The following C1orf115 variants were observed in gnomAD, a reference collection of about 807,000 sequenced individuals.
C1orf115 encodes chromosome 1 open reading frame 115.
In C1orf115, 14 loss-of-function variants were observed where a neutral mutation model predicts 12.5. The observed-to-expected ratio is 1.12, with a 90% CI of 0.74 to 1.75. The LOEUF (loss-of-function observed/expected upper bound fraction) is 1.75. C1orf115 is among the 40% of genes most tolerant of loss of function. The pLI is 0.00. For missense variants in C1orf115, 237 were observed against 220.8 expected (o/e 1.07, Z -0.46); for synonymous variants, 109 against 104.6 (o/e 1.04, Z -0.26).
Position 220,690,616 on chromosome 1 carries a change from G to C in C1orf115, c.214G>C (p.Ala72Pro). Residue 72 changes from alanine to proline, a missense_variant, in exon 1 of 2, where the codon GCC (alanine) becomes CCC (proline). Physicochemically the swap from Ala to Pro is conservative, Grantham distance 27. Transcript: ENST00000294889. ...CCGGGGCGCGCGGAGGGTGCACTTC[G>C]CCCTCCTGCCCGAGCGCTACGAGCC... ...GTRGARRVHFALLPERYEPLE... is the reference protein window; with the variant it reads ...GTRGARRVHFPLLPERYEPLE... 6.5e-7 allele frequency: 1 copy of C among 1,543,418 alleles called. No individual in the cohort carries two copies. Among genetic ancestry groups the C allele is most frequent in the Non-Finnish European group, 8.7e-7 (1 of 1,148,230 alleles).
At chr1:220,696,231 C>T (rs111379975) in intron 1 of C1orf115, among the ~76,000 whole-genome samples, 9 of 152,246 alleles carry the variant, frequency 5.9e-5, no homozygotes, top group Admixed American at 1.3e-4. Context: ...AGCCTTCTGA[C>T]GGTCCAGTAA....
intron 1 of C1orf115, among the ~76,000 whole-genome samples, chr1:220,691,913 G>A (rs994637337): frequency 6.6e-6 from 1 of 152,186 alleles, no homozygotes; most frequent in Non-Finnish European, 1.5e-5. Context: ...CACTGACATA[G>A]CTGGCTCCCC....
intron 1 of C1orf115, among the ~76,000 whole-genome samples, 188 bp downstream of exon 1, chr1:220,690,899 G>A (rs1385462294): frequency 6.6e-6 from 1 of 152,120 alleles, no homozygotes; most frequent in African/African-American, 2.4e-5. Context: ...ACTTAAATCG[G>A]GGGTTGCGCT....
chr1:220,693,187 C>T (rs1037816098), intron 1 of C1orf115, among the ~76,000 whole-genome samples: 3 of 152,174 alleles, frequency 2.0e-5, no homozygotes, highest in African/African-American at 7.2e-5. Context: ...TCTTAAATGA[C>T]ACTGAAATAG....
chr1:220,690,731 A>T lies in C1orf115; in HGVS notation c.309+20A>T. 1 of 1,564,962 alleles carries T rather than the reference A, an allele frequency of 6.4e-7. No homozygotes were observed. Among genetic ancestry groups the T allele is most frequent in the Non-Finnish European group, 8.6e-7 (1 of 1,157,302 alleles). ...GGCAAGGTAGGGGCCCTGCGCCACCACTGCCCGGGGGGCGCGGGTGTGGTG... is the reference window on the plus strand; with the variant it reads ...GGCAAGGTAGGGGCCCTGCGCCACCTCTGCCCGGGGGGCGCGGGTGTGGTG... On this transcript the variant is annotated intron_variant, in intron 1 of 1. Transcript: ENST00000294889.
At chr1:220,690,808 C>A in intron 1 of C1orf115, 97 bp downstream of exon 1, 1 of 1,368,620 alleles carries the variant, frequency 7.3e-7, no homozygotes, top group Non-Finnish European at 9.8e-7. Context: ...CCCAGTTTCT[C>A]CGGGCTGCAC....
rs1330007693 is a variant in C1orf115 at position 220,690,593 on chromosome 1, G to A, written c.191G>A (p.Arg64Gln). 2 of 1,516,462 alleles carry A rather than the reference G, an allele frequency of 1.3e-6. No homozygotes were observed. The highest frequency in any genetic ancestry group is 4.3e-5 in the Admixed American group (2 of 46,298). The allele number at this position is 1,516,462 out of a possible 1,614,324, so 93.9% of individuals were successfully genotyped here. The part of the protein sequence containing the change: ...SAADERGPGT[R>Q]GARRVHFALL... ...GCGGACGAGCGGGGCCCGGGGACCC[G>A]GGGCGCGCGGAGGGTGCACTTCGCC... The change falls in exon 1 of 2, where the codon CGG becomes CAG. Residue 64 changes from arginine (R) to glutamine (Q), a missense_variant. Coordinates refer to ENST00000294889, the MANE Select transcript of C1orf115 (RefSeq NM_024709.5).
intron 1 of C1orf115, among the ~76,000 whole-genome samples, chr1:220,693,103 G>A (rs977519196): frequency 3.9e-5 from 6 of 152,140 alleles, no homozygotes; most frequent in African/African-American, 1.4e-4. Flanking sequence ...TTTGTTCCCC[G>A]AGACCCCAGC....
chr1:220,692,073 G>A (rs1382648812), intron 1 of C1orf115, among the ~76,000 whole-genome samples: 1 of 152,174 alleles, frequency 6.6e-6, no homozygotes, highest in Non-Finnish European at 1.5e-5. Flanking sequence ...CAGTGAAGTG[G>A]TATGAAGTAG....
At chr1:220,694,689 C>G (rs1670163353) in intron 1 of C1orf115, among the ~76,000 whole-genome samples, 1 of 152,130 alleles carries the variant, frequency 6.6e-6, no homozygotes, top group South Asian at 2.1e-4. Flanking sequence ...CTTAGGGCTA[C>G]AAGGGAGAGT....
Position 220,696,890 on chromosome 1 carries a change from C to T in C1orf115, c.*159C>T. 1 of 889,700 alleles carries T rather than the reference C, an allele frequency of 1.1e-6. No individual in the cohort carries two copies. The highest frequency in any genetic ancestry group is 1.6e-6 in the Non-Finnish European group (1 of 636,800). The allele number at this position is 889,700 out of a possible 1,614,324, so 55.1% of individuals were successfully genotyped here. ...ACATTAGTATGATGAGTGAGTCATC[C>T]CTGCCCATCTGCTGAGCTTCTCACA... On this transcript the variant is annotated 3_prime_UTR_variant, in exon 2 of 2. Coordinates refer to ENST00000294889, the MANE Select transcript of C1orf115 (RefSeq NM_024709.5).
chr1:220,695,318 G>C (rs920126761), intron 1 of C1orf115, among the ~76,000 whole-genome samples: 8 of 152,020 alleles, frequency 5.3e-5, no homozygotes, highest in African/African-American at 1.9e-4. Flanking sequence ...GGTGGTGAAG[G>C]GAAAGCCAAG....
Position 220,698,257 on chromosome 1 carries a change from C to T in C1orf115, c.*1526C>T, listed in dbSNP as rs1670222819. The T allele has an allele frequency of 6.6e-6, 1 of 152,304 alleles. No individual in the cohort carries two copies. Among genetic ancestry groups the T allele is most frequent in the Non-Finnish European group, 1.5e-5 (1 of 68,132 alleles). 9.4% of individuals were successfully genotyped at this position (152,304 alleles called of 1,614,324 possible). ...AAAGGAGGCCTCAACGCTCATGCTT[C>T]TCTAATCAAGCCCTACCAAGACAGA... On this transcript the variant is annotated 3_prime_UTR_variant, in exon 2 of 2. Transcript: ENST00000294889.
At chr1:220,693,940 C>A (rs984095802) in intron 1 of C1orf115, among the ~76,000 whole-genome samples, 6 of 151,904 alleles carry the variant, frequency 3.9e-5, no homozygotes, top group Non-Finnish European at 8.8e-5. Context: ...ATTAGCCTGG[C>A]GCGGTGGTGC....
chr1:220,693,887 T>C (rs548036549), intron 1 of C1orf115, among the ~76,000 whole-genome samples: 9 of 152,170 alleles, frequency 5.9e-5, no homozygotes, highest in African/African-American at 1.9e-4. Flanking sequence ...GAAACCAGAC[T>C]GACGAACATG....
chr1:220,692,801 T>G (rs1018034816), intron 1 of C1orf115, among the ~76,000 whole-genome samples: 3 of 152,220 alleles, frequency 2.0e-5, no homozygotes, highest in Non-Finnish European at 4.4e-5. Flanking sequence ...AATTTTATGT[T>G]ATGTGAATTT....
intron 1 of C1orf115, among the ~76,000 whole-genome samples, chr1:220,691,891 C>T (rs544838860): frequency 6.6e-6 from 1 of 152,194 alleles, no homozygotes; most frequent in Non-Finnish European, 1.5e-5. Flanking sequence ...AGGGCACAGC[C>T]TCCCAGGGAG....
intron 1 of C1orf115, among the ~76,000 whole-genome samples, chr1:220,695,202 C>T (rs1670173351): frequency 6.6e-6 from 1 of 152,032 alleles, no homozygotes; most frequent in African/African-American, 2.4e-5. Context: ...TTTTGGCTGG[C>T]TTGGCACGAT....
chr1:220,694,794 G>A (rs1670165107), intron 1 of C1orf115, among the ~76,000 whole-genome samples: 1 of 152,164 alleles, frequency 6.6e-6, no homozygotes, highest in African/African-American at 2.4e-5. Context: ...TCAAATCTAG[G>A]AGATACTTGT....
Sources: allele counts gnomAD v4.1 joint callset (sites outside exome capture counted in the v4.1 genomes callset), GRCh38; gene constraint gnomAD v4.1.1; transcripts MANE v1.5; gene names NCBI Gene and HGNC (gene_info 2026-07-23, HGNC 2026-07-21).